The following ALCAM variants were observed in gnomAD, a reference collection of about 807,000 sequenced individuals.
ALCAM encodes the protein activated leukocyte cell adhesion molecule.
Under a neutral mutation model 70.9 loss-of-function variants are expected in ALCAM, and 30 were observed. The observed-to-expected ratio is 0.42, with a 90% confidence interval of 0.32 to 0.57. ALCAM has a LOEUF of 0.57. Ranked by LOEUF, ALCAM falls within the 20% of genes least tolerant of loss-of-function variation. The pLI is 0.11. For missense variants in ALCAM, 591 were observed against 695.1 expected (o/e 0.85, Z 1.68); for synonymous variants, 249 against 242.5 (o/e 1.03, Z -0.25).
intron 9 of ALCAM, among the ~76,000 whole-genome samples, chr3:105,545,773 C>T (rs531609565): frequency 1.8e-4 from 27 of 151,382 alleles, no homozygotes; most frequent in Non-Finnish European, 3.7e-4. Flanking sequence ...AATCAGAAAG[C>T]TCATAACTGA....
At chr3:105,563,969 G>A (rs1940689011) in intron 14 of ALCAM, among the ~76,000 whole-genome samples, 1 of 150,986 alleles carries the variant, frequency 6.6e-6, no homozygotes, top group South Asian at 2.1e-4. Flanking sequence ...CTACAGGCGT[G>A]AGCCACCGCG....
chr3:105,496,073 C>T (rs950665625), intron 1 of ALCAM, among the ~76,000 whole-genome samples: 4 of 152,002 alleles, frequency 2.6e-5, no homozygotes, highest in Non-Finnish European at 1.5e-5. Context: ...ACTTAAGGGA[C>T]GTATGAGAAA....
chr3:105,498,789 C>T (rs1576203597), intron 1 of ALCAM, among the ~76,000 whole-genome samples: 2 of 152,076 alleles, frequency 1.3e-5, no homozygotes, highest in Non-Finnish European at 2.9e-5. Context: ...TTTAGTTTAA[C>T]AATTAAGATG....
intron 14 of ALCAM, among the ~76,000 whole-genome samples, chr3:105,553,999 C>G (rs1013767464): frequency 2.0e-5 from 3 of 151,854 alleles, no homozygotes; most frequent in African/African-American, 7.2e-5. Flanking sequence ...CACAACTGCT[C>G]CTCATCTTGG....
chr3:105,569,966 C>T (rs879276129), intron 14 of ALCAM, among the ~76,000 whole-genome samples: 3 of 152,084 alleles, frequency 2.0e-5, no homozygotes, highest in Non-Finnish European at 4.4e-5. Flanking sequence ...ACTAAAATTG[C>T]AGTGGGGCTC....
Position 105,495,638 on chromosome 3 carries a change from G to T in ALCAM, c.74-24429G>T, listed in dbSNP as rs904233409. On this transcript the variant is annotated intron_variant, in intron 1 of 15. Transcript: ENST00000306107. ...GAACCTGAGGTTGTACTTAAAGTAT[G>T]CAAAGCACGGTGGAATAATACATTT... is the stretch of plus-strand genomic sequence containing the variant. Among the ~76,000 whole-genome samples, 46 of 152,176 alleles carry T rather than the reference G, an allele frequency of 3.0e-4. 1 individual carries two copies. The highest frequency in any genetic ancestry group is 1.1e-3 in the African/African-American group (45 of 41,452).
chr3:105,543,353 G>T (rs527474411), intron 8 of ALCAM, among the ~76,000 whole-genome samples: 232 of 151,708 alleles, frequency 1.5e-3, no homozygotes, highest in Middle Eastern at 6.8e-3. Context: ...GGTTTTGACA[G>T]GTAGACTCTA....
At chr3:105,528,653 C>G (rs1939766428) in intron 3 of ALCAM, among the ~76,000 whole-genome samples, 1 of 152,140 alleles carries the variant, frequency 6.6e-6, no homozygotes, top group African/African-American at 2.4e-5. Flanking sequence ...ACTGCATGTT[C>G]TCACTTATAA....
At chr3:105,452,710 G>C (rs1006365874) in intron 1 of ALCAM, among the ~76,000 whole-genome samples, 2 of 152,098 alleles carry the variant, frequency 1.3e-5, no homozygotes, top group Non-Finnish European at 2.9e-5. Context: ...AAGCATTCCT[G>C]TTTCTCCACA....
intron 1 of ALCAM, among the ~76,000 whole-genome samples, chr3:105,465,638 T>C (rs553497930): frequency 6.6e-6 from 1 of 151,596 alleles, no homozygotes; most frequent in African/African-American, 2.4e-5. Context: ...ACTTGTTTAC[T>C]TGAATCTATC....
rs1940357102 is a variant in ALCAM at position 105,550,156 on chromosome 3, G to A, written c.1404G>A (p.Arg468=). Residue 468 remains arginine, a synonymous_variant, in exon 12 of 16, where the codon AGG becomes AGA. Coordinates refer to ENST00000306107, the MANE Select transcript of ALCAM (RefSeq NM_001627.4). ...AGGAATCTCCTTATATTAATGGCAGGTATTATAGTAAAATTATCATTTCCC... is the reference window on the plus strand; with the variant it reads ...AGGAATCTCCTTATATTAATGGCAGATATTATAGTAAAATTATCATTTCCC... The part of the protein sequence containing the change: ...QTEESPYING[R]YYSKIIISPE... The A allele has an allele frequency of 6.3e-7, 1 of 1,598,008 alleles. No individual in the cohort carries two copies. Among genetic ancestry groups the A allele is most frequent in the Non-Finnish European group, 8.6e-7 (1 of 1,167,566 alleles).
chr3:105,434,221 T>G (rs1192883498), intron 1 of ALCAM, among the ~76,000 whole-genome samples: 2 of 152,178 alleles, frequency 1.3e-5, no homozygotes, highest in African/African-American at 4.8e-5. Flanking sequence ...ATCCAAGAAC[T>G]TCAAAGCACT....
chr3:105,533,476 T>C, intron 4 of ALCAM, 127 bp from the exon 5 acceptor site: 1 of 600,458 alleles, frequency 1.7e-6, no homozygotes, highest in African/African-American at 1.8e-5. Context: ...CAGTCTTTGG[T>C]CAGTGTTGGA....
chr3:105,371,155 T>G (rs977473524), intron 1 of ALCAM, among the ~76,000 whole-genome samples: 46 of 152,196 alleles, frequency 3.0e-4, no homozygotes, highest in African/African-American at 3.6e-4. Context: ...AATGCATGTC[T>G]ACCATTGACT....
chr3:105,547,327 A>T (rs200964091), intron 10 of ALCAM, 43 bp downstream of exon 10: 1 of 1,576,228 alleles, frequency 6.3e-7, no homozygotes, highest in East Asian at 2.3e-5. Context: ...TTCTTTGAGA[A>T]TTTTTTACCT....
intron 1 of ALCAM, among the ~76,000 whole-genome samples, chr3:105,494,751 C>T (rs1938689448): frequency 6.6e-6 from 1 of 151,974 alleles, no homozygotes; most frequent in African/African-American, 2.4e-5. Flanking sequence ...CTTTGAACTC[C>T]TGGGCTCAAG....
rs369076922 is a variant in ALCAM at position 105,416,710 on chromosome 3, G to T, written c.73+49229G>T. On this transcript the variant is annotated intron_variant, in intron 1 of 15. Transcript: ENST00000306107. ...ACTCATCTTATTTCTATGCATTGCC[G>T]TATTCTTAAGTTCAAGCCACCATCA... 5.9e-5 allele frequency among the ~76,000 whole-genome samples: 9 copies of T among 151,784 alleles called. No individual in the cohort carries two copies. In the East Asian group the frequency reaches 1.6e-3, roughly 26 times the overall value.
In ALCAM at chr3:105,524,440, A is replaced by C; in HGVS notation, c.326A>C (p.Lys109Thr). The C allele has an allele frequency of 6.2e-7, 1 of 1,614,136 alleles. No individual in the cohort carries two copies. The highest frequency in any genetic ancestry group is 8.5e-7 in the Non-Finnish European group (1 of 1,180,008). The change falls in exon 3 of 16, where the codon AAG (lysine) becomes ACG (threonine). Residue 109 changes from lysine (K) to threonine (T), a missense_variant. Coordinates refer to ENST00000306107, the MANE Select transcript of ALCAM (RefSeq NM_001627.4). ...SISNARISDE[K>T]RFVCMLVTED... ...AGTAATGCAAGGATCAGTGATGAAA[A>C]GAGATTTGTGTGCATGCTAGTAACT...
At chr3:105,573,950 G>C (rs1940910365) in intron 15 of ALCAM, among the ~76,000 whole-genome samples, 1 of 152,186 alleles carries the variant, frequency 6.6e-6, no homozygotes, top group African/African-American at 2.4e-5. Flanking sequence ...ATTTTAAACT[G>C]ATGGGGTGAA....
Sources: gnomAD v4.1 joint callset for allele counts (sites outside exome capture counted in the v4.1 genomes callset) on GRCh38, gnomAD v4.1.1 for gene constraint, MANE v1.5 for transcripts, NCBI Gene and HGNC (gene_info 2026-07-23, HGNC 2026-07-21) for gene names.